The following DEK variants were observed in gnomAD, a reference collection of about 807,000 sequenced individuals.
DEK encodes protein DEK.
DEK carries 28 observed loss-of-function variants against 46.8 expected under a neutral mutation model. The observed-to-expected ratio is 0.60, with a 90% confidence interval of 0.44 to 0.82. DEK has a LOEUF of 0.82. Ranked by LOEUF, DEK falls within the 40% of genes least tolerant of loss-of-function variation. The pLI is 0.00. For synonymous variants in DEK, 160 were observed against 144.5 expected, an observed-to-expected ratio of 1.11 and a Z score of -0.77; for missense variants, 416 against 430.6, an observed-to-expected ratio of 0.97 and a Z score of 0.30.
At chr6:18,258,765 T>C (rs139571721) in intron 2 of DEK, among the ~76,000 whole-genome samples, 83 of 152,304 alleles carry the variant, frequency 5.4e-4, no homozygotes, top group African/African-American at 1.8e-3. Context: ...TATTTAATAA[T>C]TGAGATTCAG....
chr6:18,238,195 C>T (rs1484702480), intron 7 of DEK, among the ~76,000 whole-genome samples: 1 of 151,852 alleles, frequency 6.6e-6, no homozygotes, highest in East Asian at 1.9e-4. Context: ...CTGATGTTTC[C>T]CTAACTCCTA....
At chr6:18,255,014 C>A (rs999430961) in intron 6 of DEK, among the ~76,000 whole-genome samples, 1 of 152,158 alleles carries the variant, frequency 6.6e-6, no homozygotes, top group Non-Finnish European at 1.5e-5. Flanking sequence ...CCTAGGCCTG[C>A]TAGATCTCTC....
chr6:18,228,047 C>G (rs1176987141), intron 9 of DEK, among the ~76,000 whole-genome samples: 1 of 152,140 alleles, frequency 6.6e-6, no homozygotes, highest in African/African-American at 2.4e-5. Context: ...CTGCTTGACT[C>G]AGGTCCTGAC....
chr6:18,227,850 T>C (rs1014569497), intron 9 of DEK, among the ~76,000 whole-genome samples: 3 of 152,184 alleles, frequency 2.0e-5, no homozygotes, highest in African/African-American at 7.2e-5. Context: ...TCTCCAACCC[T>C]TGTTATTATC....
chr6:18,263,258 T>C (rs2151097256), intron 2 of DEK, among the ~76,000 whole-genome samples: 1 of 152,332 alleles, frequency 6.6e-6, no homozygotes, highest in Admixed American at 6.5e-5. Context: ...CATTTAACTT[T>C]CTTTCAGAGT....
At chr6:18,255,901 A>T in intron 5 of DEK, 50 bp from the exon 6 acceptor site, 2 of 1,563,374 alleles carry the variant, frequency 1.3e-6, no homozygotes, top group South Asian at 2.4e-5. Context: ...GAAAGCTTAC[A>T]TATGTTCTCC....
chr6:18,237,479 T>G lies in DEK; in HGVS notation c.800A>C (p.Gln267Pro), dbSNP rs754457242. 63 of 1,608,386 alleles carry G rather than the reference T, an allele frequency of 3.9e-5. No homozygotes were observed. Among genetic ancestry groups the G allele is most frequent in the Non-Finnish European group, 5.0e-5 (59 of 1,178,790 alleles). Residue 267 changes from glutamine (Q) to proline (P), a missense_variant, in exon 8 of 11, where the codon CAG (glutamine) becomes CCG (proline). Transcript: ENST00000652689. ...TTTTTTACTTTTAGAAGTAGCTTTC[T>G]GTTTAGGTTTTTCTCTTTTGGCTGT... ...KKTAKREKPK[Q>P]KATSKSKKSV...
Position 18,247,184 on chromosome 6 carries a change from C to T in DEK, c.762+2467G>A, listed in dbSNP as rs182880149. Among the ~76,000 whole-genome samples, 13 of 152,208 alleles carry T rather than the reference C, an allele frequency of 8.5e-5. No individual in the cohort carries two copies. The East Asian group carries it at 2.3e-3, about 27-fold the overall frequency. On this transcript the variant is annotated intron_variant, in intron 7 of 10. Transcript: ENST00000652689. The stretch of plus-strand genomic sequence containing the variant: ...CCTGCCAGAACTTACCTTTCAAAGG[C>T]CTTTCACAGAAACTGAATCAGCAAT...
chr6:18,257,205 T>C (rs1282025689), intron 4 of DEK, among the ~76,000 whole-genome samples: 1 of 152,194 alleles, frequency 6.6e-6, no homozygotes, highest in Non-Finnish European at 1.5e-5. Flanking sequence ...TTGTATGAGA[T>C]ACAAATGATT....
chr6:18,234,663 C>A (rs533605320), intron 9 of DEK, among the ~76,000 whole-genome samples: 7 of 152,238 alleles, frequency 4.6e-5, no homozygotes, highest in South Asian at 2.1e-4. Context: ...CAGCACTTTC[C>A]CCTCCAGTTG....
chr6:18,231,796 C>T (rs375447521), intron 9 of DEK, among the ~76,000 whole-genome samples: 92 of 152,290 alleles, frequency 6.0e-4, no homozygotes, highest in African/African-American at 2.2e-3. Context: ...CAAGGAGGAA[C>T]TGATACCATT....
At chr6:18,235,315 T>C (rs1486858313) in intron 9 of DEK, among the ~76,000 whole-genome samples, 1 of 152,240 alleles carries the variant, frequency 6.6e-6, no homozygotes, top group Non-Finnish European at 1.5e-5. Context: ...CTAACTTCTG[T>C]GAGGACTTCT....
At chr6:18,228,705 A>C (rs1414650209) in intron 9 of DEK, among the ~76,000 whole-genome samples, 1 of 152,188 alleles carries the variant, frequency 6.6e-6, no homozygotes, top group Non-Finnish European at 1.5e-5. Flanking sequence ...AATCTTAGCA[A>C]ACGGGACACC....
intron 9 of DEK, among the ~76,000 whole-genome samples, chr6:18,236,127 TTAAACTAACA>T (rs1226819357): frequency 6.6e-6 from 1 of 152,210 alleles, no homozygotes; most frequent in African/African-American, 2.4e-5. Context: ...TTCTGCTTCT[TTAAACTAACA>T]TAAACTAAGG....
intron 7 of DEK, chr6:18,244,359 A>T (rs1582274669): frequency 2.9e-6 from 1 of 346,474 alleles, no homozygotes; most frequent in East Asian, 7.6e-5. Flanking sequence ...ACTATAACCT[A>T]AATTTTTAAA....
intron 6 of DEK, among the ~76,000 whole-genome samples, chr6:18,254,380 G>A (rs953618283): frequency 6.6e-6 from 1 of 152,090 alleles, no homozygotes. Context: ...CAAAAAGACT[G>A]AATGCAGAAG....
intron 2 of DEK, among the ~76,000 whole-genome samples, chr6:18,259,393 TCAAAAAAAAAAAAA>T (rs1791744162): frequency 1.0e-4 from 1 of 9,924 alleles, no homozygotes; most frequent in East Asian, 3.3e-3. Context: ...AGACTCCGTC[TCAAAAAAAAAAAAA>T]AAAAAAAAAA....
Position 18,256,391 on chromosome 6 carries a change from T to G in DEK, c.422A>C (p.Gln141Pro). 1.9e-6 allele frequency: 3 copies of G among 1,613,540 alleles called. No individual in the cohort carries two copies. The highest frequency in any genetic ancestry group is 2.5e-6 in the Non-Finnish European group (3 of 1,179,728). The part of the protein sequence containing the change: ...SGFPFEKGSV[Q>P]YKKKEEMLKK... ...CAACATTTCTTCCTTCTTTTTATAT[T>G]GGACACTTCCTTTTTCAAATGGAAA... The change falls in exon 5 of 11, where the codon CAA becomes CCA. Residue 141 changes from glutamine (Q) to proline (P), a missense_variant. By Grantham distance (76) the Gln-to-Pro change is moderately conservative (BLOSUM62 -1). Transcript: ENST00000652689.
intron 4 of DEK, among the ~76,000 whole-genome samples, chr6:18,257,303 G>A (rs1361721221): frequency 6.6e-6 from 1 of 152,114 alleles, no homozygotes; most frequent in Non-Finnish European, 1.5e-5. Flanking sequence ...TGAATGTCGA[G>A]AAAATCCAAA....
Sources: gnomAD v4.1 joint callset for allele counts (sites outside exome capture counted in the v4.1 genomes callset) on GRCh38, gnomAD v4.1.1 for gene constraint, MANE v1.5 for transcripts, NCBI Gene and HGNC (gene_info 2026-07-23, HGNC 2026-07-21) for gene names.